HPSE2: variants seen among roughly 807,000 people sequenced by gnomAD.
HPSE2 encodes inactive heparanase-2.
In HPSE2, 38 loss-of-function variants were observed where a neutral mutation model predicts 60.5. The observed-to-expected ratio is 0.63, with a 90% CI of 0.48 to 0.82. HPSE2 has a LOEUF of 0.82. HPSE2 is among the 40% of genes least tolerant of loss of function. The pLI, the probability that HPSE2 is intolerant of heterozygous loss-of-function variation, is 0.00. For missense variants in HPSE2, 713 were observed against 740.4 expected (o/e 0.96, Z 0.43); for synonymous variants, 295 against 293.2 (o/e 1.01, Z -0.06).
At chr10:99,239,774 A>T (rs1849913776), upstream of HPSE2, among the ~76,000 whole-genome samples, 5 of 151,958 alleles carry the variant, frequency 3.3e-5, no homozygotes, top group African/African-American at 1.2e-4. Context: ...CCTTAATAAA[A>T]ACTGTCAACT....
In HPSE2 at chr10:99,116,979, C is replaced by T. The variant is rs150770177; in HGVS notation, c.610+27259G>A. 3.0e-3 allele frequency among the ~76,000 whole-genome samples: 457 copies of T among 152,036 alleles called. 5 individuals carry two copies. The highest frequency in any genetic ancestry group is 1.0e-3 in the South Asian group (5 of 4,812). ...CAGAATAGCGACAATCCCTAAACTG[C>T]TAACCTGGTAGGGGTGAGAACAAAA... On this transcript the variant is annotated intron_variant, in intron 3 of 11. Transcript: ENST00000370552.
intron 6 of HPSE2, among the ~76,000 whole-genome samples, chr10:98,643,381 G>T (rs964123566): frequency 1.1e-4 from 17 of 152,032 alleles, no homozygotes; most frequent in Admixed American, 3.3e-4. Context: ...CACAAAGATG[G>T]GATTATAAAC....
intron 3 of HPSE2, among the ~76,000 whole-genome samples, chr10:98,954,107 C>A (rs1955443328): frequency 6.6e-6 from 1 of 152,086 alleles, no homozygotes; most frequent in African/African-American, 2.4e-5. Flanking sequence ...AGTTCGAGAC[C>A]AGCCTGGCCA....
chr10:99,239,082 C>T (rs548972927), upstream of HPSE2, among the ~76,000 whole-genome samples: 8 of 152,194 alleles, frequency 5.3e-5, no homozygotes, highest in Non-Finnish European at 8.8e-5. Flanking sequence ...TTGCTTGAAC[C>T]TGGGAGGAGG....
chr10:99,074,546 G>A (rs912262446), intron 3 of HPSE2, among the ~76,000 whole-genome samples: 2 of 152,048 alleles, frequency 1.3e-5, no homozygotes, highest in African/African-American at 2.4e-5. Flanking sequence ...TATAGCTCTG[G>A]TATCAGGGTA....
rs144022340 is a variant in HPSE2 at position 99,117,709 on chromosome 10, T to C, written c.610+26529A>G. On this transcript the variant is annotated intron_variant, in intron 3 of 11. Transcript: ENST00000370552. ...AACAGACCAATAATGAGCTCTGAAA[T>C]TGAAACAGTAATAAATAGCCTAACA... 1.5e-3 allele frequency among the ~76,000 whole-genome samples: 227 copies of C among 152,112 alleles called. 1 individual carries two copies. Among genetic ancestry groups the C allele is most frequent in the African/African-American group, 5.2e-3 (216 of 41,500 alleles).
At chr10:98,578,866 C>G (rs1944711891) in intron 9 of HPSE2, among the ~76,000 whole-genome samples, 1 of 152,144 alleles carries the variant, frequency 6.6e-6, no homozygotes, top group South Asian at 2.1e-4. Context: ...CAGAAACTCT[C>G]AAAGCTCAGT....
chr10:98,580,836 A>ATATATATATATGTGTGTGTG, intron 9 of HPSE2, among the ~76,000 whole-genome samples: 1 of 119,530 alleles, frequency 8.4e-6, no homozygotes, highest in African/African-American at 3.6e-5. Flanking sequence ...ATATATATAT[A>ATATATATATATGTGTGTGTG]TGTGTGTGTG....
At chr10:99,068,815 T>A (rs947130468) in intron 3 of HPSE2, among the ~76,000 whole-genome samples, 7 of 152,154 alleles carry the variant, frequency 4.6e-5, no homozygotes, top group African/African-American at 1.4e-4. Flanking sequence ...AGAAATTTTT[T>A]AAAATGTAAA....
intron 2 of HPSE2, among the ~76,000 whole-genome samples, chr10:99,184,522 C>CCAAAAAAAAAAAA (rs1847899081): frequency 1.6e-5 from 1 of 60,788 alleles, no homozygotes; most frequent in African/African-American, 1.2e-4. Flanking sequence ...GAGACTGTCT[C>CCAAAAAAAAAAAA]AAAAAAAAAA....
At chr10:98,944,078 G>A (rs35376584) in intron 3 of HPSE2, among the ~76,000 whole-genome samples, 2 of 152,160 alleles carry the variant, frequency 1.3e-5, no homozygotes, top group Non-Finnish European at 2.9e-5. Flanking sequence ...CCCAGAGAGG[G>A]AGCAGCTAGA....
At chr10:98,752,635 G>T (rs1384515320) in intron 3 of HPSE2, among the ~76,000 whole-genome samples, 1 of 152,148 alleles carries the variant, frequency 6.6e-6, no homozygotes, top group Non-Finnish European at 1.5e-5. Context: ...TCTTGAAAGG[G>T]TATAGGGGAC....
chr10:98,671,544 C>G (rs1431157998), intron 6 of HPSE2, among the ~76,000 whole-genome samples: 1 of 152,152 alleles, frequency 6.6e-6, no homozygotes, highest in Non-Finnish European at 1.5e-5. Context: ...AACAATCAAT[C>G]CTCAAATAAT....
In HPSE2 at chr10:98,570,952, T is replaced by C. The variant is rs186843728; in HGVS notation, c.1320+43952A>G. 5.3e-5 allele frequency among the ~76,000 whole-genome samples: 8 copies of C among 152,306 alleles called. No homozygotes were observed. In the East Asian group the frequency reaches 9.6e-4, roughly 18 times the overall value. On this transcript the variant is annotated intron_variant, in intron 9 of 11. Transcript: ENST00000370552. The stretch of plus-strand genomic sequence containing the variant: ...TGCACAGTGTAGAAACTCAAGTGTA[T>C]AAATCTAATGACATATGCTTGTTGT...
chr10:99,189,980 C>G (rs1378176559), intron 2 of HPSE2, among the ~76,000 whole-genome samples: 1 of 152,180 alleles, frequency 6.6e-6, no homozygotes, highest in Non-Finnish European at 1.5e-5. Flanking sequence ...GCGAACTAGC[C>G]TAGGTGGATA....
intron 2 of HPSE2, among the ~76,000 whole-genome samples, chr10:99,195,498 TA>T (rs1848365834): frequency 6.6e-6 from 1 of 151,752 alleles, no homozygotes; most frequent in Admixed American, 6.6e-5. Context: ...TTAGAACTGA[TA>T]AGTTGAGTAA....
intron 3 of HPSE2, among the ~76,000 whole-genome samples, chr10:99,143,916 GA>G (rs1460158996): frequency 1.3e-5 from 2 of 152,054 alleles, no homozygotes; most frequent in Non-Finnish European, 2.9e-5. Flanking sequence ...GGCATACACA[GA>G]AAGAGGAAAA....
rs1941589960 is a variant in HPSE2, at chr10:98,490,137, A to G, written c.1380T>C (p.His460=). The change falls in exon 10 of 12, where the codon CAT becomes CAC. Residue 460 remains histidine, a synonymous_variant. Transcript: ENST00000370552. ...RLIGPKVLAV[H]VAGLQRKPRP... The stretch of plus-strand genomic sequence containing the variant: ...GTGGCTTCCGCTGGAGCCCAGCCAC[A>G]TGCACAGCCAAGACTTTGGGGCCGA... The G allele has an allele frequency of 1.2e-6, 2 of 1,614,134 alleles. No homozygotes were observed. Among genetic ancestry groups the G allele is most frequent in the African/African-American group, 2.7e-5 (2 of 74,940 alleles).
intron 3 of HPSE2, among the ~76,000 whole-genome samples, chr10:99,111,180 T>G (rs1844443234): frequency 6.6e-6 from 1 of 152,202 alleles, no homozygotes; most frequent in Non-Finnish European, 1.5e-5. Flanking sequence ...TATTTGTCTA[T>G]TCTTTCACCA....
Sources: allele counts gnomAD v4.1 joint callset (sites outside exome capture counted in the v4.1 genomes callset), GRCh38; gene constraint gnomAD v4.1.1; transcripts MANE v1.5; gene names NCBI Gene and HGNC (gene_info 2026-07-23, HGNC 2026-07-21).